Variants in VAV2 observed in about 807,000 individuals in gnomAD.
VAV2 encodes the protein vav guanine nucleotide exchange factor 2, also known as guanine nucleotide exchange factor VAV2.
A neutral mutation model predicts 132.5 loss-of-function variants in VAV2; 67 were observed. The observed-to-expected ratio is 0.51, with a 90% CI of 0.42 to 0.62. The LOEUF is 0.62. Among genes scored for constraint, VAV2 ranks in the 20% least tolerant of loss-of-function variants. The pLI is 0.00. For missense variants in VAV2, 938 were observed against 1,153.6 expected, an observed-to-expected ratio of 0.81 and a Z score of 2.71; for synonymous variants, 492 against 443.5, an observed-to-expected ratio of 1.11 and a Z score of -1.37.
At chr9:133,964,034 T>TAC (rs960916869) in intron 1 of VAV2, among the ~76,000 whole-genome samples, 8 of 97,842 alleles carry the variant, frequency 8.2e-5, no homozygotes, top group African/African-American at 2.3e-4. Context: ...TATATATATA[T>TAC]ATATATATAT....
In VAV2 at chr9:133,871,459, TGGAGAAGC is replaced by T. The variant is rs1254323084; in HGVS notation, c.322-10035_322-10028del. On this transcript the variant is annotated intron_variant, in intron 2 of 29. Transcript: ENST00000371850. ...ATTGATTGATGGATGGATGGATGGA[TGGAGAAGC>T]GGATGGATGGATGGATGGATGGATG... 5.0e-3 allele frequency among the ~76,000 whole-genome samples: 723 copies of T among 144,688 alleles called. 5 individuals are homozygous for T. Among genetic ancestry groups the T allele is most frequent in the African/African-American group, 0.018 (680 of 38,488 alleles). 94.9% of individuals were successfully genotyped at this position (144,688 alleles called of 152,430 possible).
intron 2 of VAV2, among the ~76,000 whole-genome samples, chr9:133,920,743 C>A (rs1304707484): frequency 1.3e-5 from 2 of 152,084 alleles, no homozygotes; most frequent in East Asian, 1.9e-4. Context: ...CCACAGCAGG[C>A]CAGTGCTGGG....
At chr9:133,937,779 C>T (rs1479108034) in intron 2 of VAV2, among the ~76,000 whole-genome samples, 1 of 152,198 alleles carries the variant, frequency 6.6e-6, no homozygotes, top group African/African-American at 2.4e-5. Context: ...CCCTGGACAG[C>T]AGGACCCACA....
rs1284922073 is a variant in VAV2, at chr9:133,990,563, G to A, written c.204+1512C>T. On this transcript the variant is annotated intron_variant, in intron 1 of 29. Coordinates refer to ENST00000371850, the MANE Select transcript of VAV2 (RefSeq NM_001134398.2). ...CTGCCTCTGCCCTGAGCCCCAGCCT[G>A]CAAGCAGCAGGGAATCCTGCCCGAG... 2.0e-5 allele frequency among the ~76,000 whole-genome samples: 3 copies of A among 152,300 alleles called. No homozygotes were observed. In the East Asian group the frequency reaches 5.8e-4, roughly 29 times the overall value.
chr9:133,838,984 A>T (rs1407631154), intron 3 of VAV2, among the ~76,000 whole-genome samples: 1 of 121,592 alleles, frequency 8.2e-6, no homozygotes, highest in Non-Finnish European at 1.7e-5. Context: ...GGATGGATGA[A>T]TGGATGGATG....
At chr9:133,851,111 G>A (rs565081751) in intron 3 of VAV2, among the ~76,000 whole-genome samples, 115 of 152,328 alleles carry the variant, frequency 7.5e-4, no homozygotes, top group African/African-American at 2.6e-3. Flanking sequence ...GGGGCTCTGC[G>A]GGCTTTAGGG....
At position 133,768,418 on chromosome 9, in the gene VAV2, C is replaced by T. The variant is rs373795341; in HGVS notation, c.2589+24G>A. The stretch of plus-strand genomic sequence containing the variant: ...AGGGGCTGCAGCGAGGCCAGCCCCA[C>T]ACCCTCAGGGTGGGGCCACTCACCC... On this transcript the variant is annotated intron_variant, in intron 29 of 29. Transcript: ENST00000371850. The surrounding 1 kb of genome is among the most constrained non-coding windows in gnomAD (Gnocchi z 5.3). 36 of 1,608,746 alleles carry T rather than the reference C, an allele frequency of 2.2e-5. No individual in the cohort carries two copies. The South Asian group carries it at 3.7e-4, about 17-fold the overall frequency.
intron 2 of VAV2, among the ~76,000 whole-genome samples, chr9:133,908,691 G>A (rs376050600): frequency 1.9e-4 from 29 of 152,362 alleles, no homozygotes; most frequent in Admixed American, 1.6e-3. Context: ...GTGGGTCTGC[G>A]CCTCCACTAT....
intron 12 of VAV2, among the ~76,000 whole-genome samples, chr9:133,792,570 TCTGA>T (rs893479693): frequency 2.0e-4 from 30 of 149,846 alleles, no homozygotes; most frequent in South Asian, 6.4e-4. Context: ...GTGGGGTGTG[TCTGA>T]CTGTGTGGTT....
chr9:133,858,184 C>T (rs1445803004), intron 3 of VAV2, among the ~76,000 whole-genome samples: 1 of 152,164 alleles, frequency 6.6e-6, no homozygotes, highest in Non-Finnish European at 1.5e-5. Flanking sequence ...ATACCTGAGG[C>T]GTTGGGCCAC....
In VAV2 at chr9:133,796,287, A is replaced by G. The variant is rs1403936541; in HGVS notation, c.1032+142T>C. ...CGGCCATCACATGCATTGAGCGGTG[A>G]TTATGAGCTAAGCATGAACTGACTT... is the stretch of plus-strand genomic sequence containing the variant. On this transcript the variant is annotated intron_variant, in intron 11 of 29. Transcript: ENST00000371850. The G allele has an allele frequency of 1.4e-5, 9 of 659,906 alleles. No homozygotes were observed. The East Asian group carries it at 2.2e-4, about 16-fold the overall frequency. The allele number at this position is 659,906 out of a possible 1,614,324, so 40.9% of individuals were successfully genotyped here. A position where few individuals can be genotyped will look rare whatever the true frequency, so the allele number is the denominator to read the frequency against.
At chr9:133,984,653 G>A (rs1842794830) in intron 1 of VAV2, among the ~76,000 whole-genome samples, 1 of 142,306 alleles carries the variant, frequency 7.0e-6, no homozygotes, top group South Asian at 2.2e-4. Context: ...CATCCCCAAA[G>A]ATTTGATTTT....
chr9:133,853,198 G>A (rs1837254670), intron 3 of VAV2, among the ~76,000 whole-genome samples: 1 of 152,214 alleles, frequency 6.6e-6, no homozygotes, highest in Non-Finnish European at 1.5e-5. Flanking sequence ...CCAGGTTGTG[G>A]CTTTAGCACA....
intron 5 of VAV2, 27 bp from the exon 6 acceptor site, chr9:133,810,232 A>AGTTT: frequency 6.2e-7 from 1 of 1,613,088 alleles, no homozygotes; most frequent in Non-Finnish European, 8.5e-7. Context: ...AGAACCAGAA[A>AGTTT]CAGCGCCGGT....
intron 3 of VAV2, among the ~76,000 whole-genome samples, chr9:133,858,196 C>T (rs1837457591): frequency 6.6e-6 from 1 of 152,194 alleles, no homozygotes; most frequent in Non-Finnish European, 1.5e-5. Context: ...TTGGGCCACG[C>T]AGCGTATGCT....
chr9:133,953,654 G>C (rs925607772), intron 1 of VAV2, among the ~76,000 whole-genome samples: 1 of 152,186 alleles, frequency 6.6e-6, no homozygotes, highest in African/African-American at 2.4e-5. Context: ...GACCACCATG[G>C]GGCCCAGCTT....
At position 133,928,807 on chromosome 9, in the gene VAV2, T is replaced by C. The variant is rs754949439; in HGVS notation, c.321+10296A>G. Among the ~76,000 whole-genome samples, 1 of 152,172 alleles carries C rather than the reference T, an allele frequency of 6.6e-6. No homozygotes were observed. Among genetic ancestry groups the C allele is most frequent in the African/African-American group, 2.4e-5 (1 of 41,422 alleles). ...GGCTGAGACGGCATCTGGATACACT[T>C]GTCCAGCCCCAGACGCAGGGCAGGT... On this transcript the variant is annotated intron_variant, in intron 2 of 29. Transcript: ENST00000371850. This position sits in a 1 kb window ranked among gnomAD's most constrained non-coding sequence, Gnocchi z 5.4.
intron 4 of VAV2, among the ~76,000 whole-genome samples, chr9:133,825,741 G>A (rs1835963109): frequency 6.6e-6 from 1 of 152,140 alleles, no homozygotes; most frequent in African/African-American, 2.4e-5. Flanking sequence ...TACCCCTGCA[G>A]ACAAAGGGCA....
intron 3 of VAV2, among the ~76,000 whole-genome samples, chr9:133,848,295 A>G (rs1376185474): frequency 6.6e-6 from 1 of 151,710 alleles, no homozygotes; most frequent in Admixed American, 6.6e-5. Context: ...AAAAAAAAAA[A>G]AAAAAAAAAT....
Sources: gnomAD v4.1 joint callset for allele counts (sites outside exome capture counted in the v4.1 genomes callset) on GRCh38, gnomAD v4.1.1 for gene constraint, Gnocchi (gnomAD v3.1) non-coding constraint, MANE v1.5 for transcripts, NCBI Gene and HGNC (gene_info 2026-07-23, HGNC 2026-07-21) for gene names.